The following SLC66A2 variants were observed in gnomAD, a reference collection of about 807,000 sequenced individuals.
The protein encoded by SLC66A2 is solute carrier family 66 member 2, also known as PQ loop repeat containing 1.
A neutral mutation model predicts 25.5 loss-of-function variants in SLC66A2; 23 were observed. The ratio of observed to expected loss-of-function variants is 0.90; its 90% CI spans 0.65 to 1.28. SLC66A2 has a LOEUF of 1.28. SLC66A2 is among the 50% of genes most tolerant of loss of function. The pLI is 0.00. For synonymous variants in SLC66A2, 193 were observed against 166.5 expected, an observed-to-expected ratio of 1.16 and a Z score of -1.23; for missense variants, 396 against 373.1, an observed-to-expected ratio of 1.06 and a Z score of -0.51.
In SLC66A2 at chr18:79,938,389, G is replaced by A. The variant is rs138487372; in HGVS notation, c.338-4367C>T. Among the ~76,000 whole-genome samples, 222 of 152,296 alleles carry A rather than the reference G, an allele frequency of 1.5e-3. 1 individual carries two copies. Among genetic ancestry groups the A allele is most frequent in the Non-Finnish European group, 1.7e-3 (117 of 68,020 alleles). On this transcript the variant is annotated intron_variant, in intron 3 of 5. Transcript: ENST00000397778. ...CGAAGAGGCTCAGCTCCGCCCAGGG[G>A]TTGCACCGTGCTGATGCCAGCCCTG...
Position 79,940,435 on chromosome 18 carries a change from C to G in SLC66A2, c.337+2894G>C, listed in dbSNP as rs983517093. Among the ~76,000 whole-genome samples the G allele has an allele frequency of 1.3e-5, 2 of 152,046 alleles. No homozygotes were observed. The highest frequency in any genetic ancestry group is 4.8e-5 in the African/African-American group (2 of 41,448). ...AGAAATAATCTGTACACTAAACCCC[C>G]GTGACAAACAATTTACCTATATAAC... On this transcript the variant is annotated intron_variant, in intron 3 of 5. Coordinates refer to ENST00000397778, the MANE Select transcript of SLC66A2 (RefSeq NM_025078.5). The surrounding 1 kb of genome is among the most constrained non-coding windows in gnomAD (Gnocchi z 4.1).
intron 3 of SLC66A2, among the ~76,000 whole-genome samples, chr18:79,936,828 T>C (rs185782894): frequency 6.6e-6 from 1 of 152,314 alleles, no homozygotes; most frequent in Admixed American, 6.5e-5. Flanking sequence ...GGAAGTGTCC[T>C]GAGGATGTGC....
At chr18:79,909,026 T>C (rs763219273) in intron 5 of SLC66A2, among the ~76,000 whole-genome samples, 2 of 152,230 alleles carry the variant, frequency 1.3e-5, no homozygotes, top group African/African-American at 2.4e-5. Flanking sequence ...GAAACTCAAC[T>C]CTTCATACAT....
Position 79,918,724 on chromosome 18 carries a change from C to G in SLC66A2, c.608+460G>C, listed in dbSNP as rs1460699397. Among the ~76,000 whole-genome samples the G allele has an allele frequency of 2.0e-5, 3 of 152,358 alleles. No homozygotes were observed. Among genetic ancestry groups the G allele is most frequent in the African/African-American group, 7.2e-5 (3 of 41,598 alleles). ...CTGTGGTTCCGAACGTCAGCCTGCCCAGCCTTCTACCACATACCTCAGAGG... is the reference window on the plus strand; with the variant it reads ...CTGTGGTTCCGAACGTCAGCCTGCCGAGCCTTCTACCACATACCTCAGAGG... On this transcript the variant is annotated intron_variant, in intron 5 of 5. Coordinates refer to ENST00000397778, the MANE Select transcript of SLC66A2 (RefSeq NM_025078.5). This position sits in a 1 kb window ranked among gnomAD's most constrained non-coding sequence, Gnocchi z 4.0.
intron 4 of SLC66A2, among the ~76,000 whole-genome samples, chr18:79,931,687 T>C (rs1209109753): frequency 1.3e-5 from 2 of 152,196 alleles, no homozygotes; most frequent in African/African-American, 4.8e-5. Context: ...ACAGATCATA[T>C]GCTAGGCCAT....
At chr18:79,946,366 T>C (rs945814896) in intron 2 of SLC66A2, among the ~76,000 whole-genome samples, 2 of 152,258 alleles carry the variant, frequency 1.3e-5, no homozygotes, top group African/African-American at 2.4e-5. Flanking sequence ...ATGCCACATT[T>C]ACTTCTCAAC....
intron 4 of SLC66A2, among the ~76,000 whole-genome samples, chr18:79,921,852 G>A (rs1985252369): frequency 1.4e-4 from 1 of 7,006 alleles, no homozygotes. Flanking sequence ...CAGGAACCGA[G>A]GGAGAGGTCA....
At chr18:79,922,665 C>T (rs533486869) in intron 4 of SLC66A2, among the ~76,000 whole-genome samples, 2 of 151,984 alleles carry the variant, frequency 1.3e-5, no homozygotes, top group East Asian at 3.9e-4. Flanking sequence ...GGGGACATAG[C>T]GGCAGGGAAA....
chr18:79,911,769 GGACAGGAGCAGGGAGGA>G (rs1167520234), intron 5 of SLC66A2, among the ~76,000 whole-genome samples: 3 of 151,516 alleles, frequency 2.0e-5, no homozygotes, highest in African/African-American at 7.3e-5. Context: ...AGCAGGGAAG[GGACAGGAGCAGGGAGGA>G]GACAGGAGCA....
At chr18:79,924,113 G>A (rs1255319061) in intron 4 of SLC66A2, among the ~76,000 whole-genome samples, 3 of 152,058 alleles carry the variant, frequency 2.0e-5, no homozygotes, top group African/African-American at 2.4e-5. Context: ...TACCACTGCC[G>A]GGCCGGCGGA....
intron 2 of SLC66A2, chr18:79,944,498 AGGCCAATGACT>A (rs1987995072): frequency 1.3e-5 from 2 of 152,308 alleles, no homozygotes; most frequent in African/African-American, 2.4e-5. Flanking sequence ...GCAGAACCAC[AGGCCAATGACT>A]GGCAGTCTCT....
At chr18:79,947,361 GA>G (rs1403825863) in intron 2 of SLC66A2, 3 of 152,292 alleles carry the variant, frequency 2.0e-5, no homozygotes, top group Non-Finnish European at 4.4e-5. Flanking sequence ...ACAAAAACAT[GA>G]GTGACCTATG....
intron 5 of SLC66A2, among the ~76,000 whole-genome samples, chr18:79,913,361 G>A (rs1983521577): frequency 6.6e-6 from 1 of 152,180 alleles, no homozygotes; most frequent in Non-Finnish European, 1.5e-5. Context: ...TCCTTGTCAG[G>A]GAACAGTCTT....
intron 2 of SLC66A2, 97 bp downstream of exon 2, chr18:79,950,627 G>T: frequency 1.7e-6 from 2 of 1,173,162 alleles, no homozygotes; most frequent in Non-Finnish European, 2.5e-6. Context: ...CCAGCAGGGA[G>T]GTGTGGACCC....
intron 3 of SLC66A2, among the ~76,000 whole-genome samples, chr18:79,938,496 G>GT (rs1987334960): frequency 1.3e-5 from 2 of 152,156 alleles, no homozygotes; most frequent in South Asian, 4.1e-4. Context: ...CAGCAAAAAG[G>GT]GCTTGGGAAA....
intron 5 of SLC66A2, among the ~76,000 whole-genome samples, chr18:79,908,614 ACTCTC>A (rs1050209134): frequency 2.6e-5 from 4 of 151,108 alleles, no homozygotes; most frequent in African/African-American, 7.3e-5. Flanking sequence ...TCTGTGTCAC[ACTCTC>A]CTCTCCTCTG....
rs1987610865 is a variant in SLC66A2 at position 79,940,937 on chromosome 18, G to A, written c.337+2392C>T. Among the ~76,000 whole-genome samples, 1 of 152,098 alleles carries A rather than the reference G, an allele frequency of 6.6e-6. No individual in the cohort carries two copies. Among genetic ancestry groups the A allele is most frequent in the Non-Finnish European group, 1.5e-5 (1 of 68,004 alleles). On this transcript the variant is annotated intron_variant, in intron 3 of 5. Transcript: ENST00000397778. This position sits in a 1 kb window ranked among gnomAD's most constrained non-coding sequence, Gnocchi z 4.1. ...AGCTTGGTTCTCAGTCCTCCCCGGG[G>A]GAGGGCAGGCACAGGTCACCCAGGC...
chr18:79,950,588 C>T (rs529685085), intron 2 of SLC66A2, 136 bp downstream of exon 2: 263 of 765,656 alleles, frequency 3.4e-4, no homozygotes, highest in Non-Finnish European at 4.6e-4. Context: ...CAGCCACGTA[C>T]CCCATCCACG....
rs1369739274 is a variant in SLC66A2, at chr18:79,940,545, G to A, written c.337+2784C>T. On this transcript the variant is annotated intron_variant, in intron 3 of 5. Coordinates refer to ENST00000397778, the MANE Select transcript of SLC66A2 (RefSeq NM_025078.5). The surrounding 1 kb of genome is among the most constrained non-coding windows in gnomAD (Gnocchi z 4.1). ...CCAACAACCTTCCCTTAAAGGTGAC[G>A]CCGCTGACAGGAAGACAAGGCTGGC... 3.3e-5 allele frequency among the ~76,000 whole-genome samples: 5 copies of A among 151,742 alleles called. No individual in the cohort carries two copies. Among genetic ancestry groups the A allele is most frequent in the Non-Finnish European group, 7.4e-5 (5 of 67,984 alleles).
Sources: gnomAD v4.1 joint callset for allele counts (sites outside exome capture counted in the v4.1 genomes callset) on GRCh38, gnomAD v4.1.1 for gene constraint, Gnocchi (gnomAD v3.1) non-coding constraint, MANE v1.5 for transcripts, NCBI Gene and HGNC (gene_info 2026-07-23, HGNC 2026-07-21) for gene names.